The following RNF220 variants were observed in gnomAD, a reference collection of about 807,000 sequenced individuals.
RNF220 encodes ring finger protein 220.
In RNF220, 7 loss-of-function variants were observed where a neutral mutation model predicts 67.1. That is an observed-to-expected ratio of 0.10 (90% confidence interval 0.06 to 0.20). The LOEUF (loss-of-function observed/expected upper bound fraction) is 0.20. Among genes scored for constraint, RNF220 ranks in the 10% least tolerant of loss-of-function variants. The pLI, the probability that RNF220 is intolerant of heterozygous loss-of-function variation, is 1.00. For missense variants in RNF220, 565 were observed against 740.3 expected (o/e 0.76, Z 2.75); for synonymous variants, 270 against 283.2 (o/e 0.95, Z 0.47).
chr1:44,541,150 T>G lies in RNF220; in HGVS notation c.626-73015T>G, dbSNP rs549120486. On this transcript the variant is annotated intron_variant, in intron 2 of 14. Transcript: ENST00000361799. ...TCCAAAGTCAGACAGCTAGTAGGCC[T>G]TGAGTGGTGGCTCATGCCTGTAATC... 4.9e-4 allele frequency among the ~76,000 whole-genome samples: 74 copies of G among 152,256 alleles called. 1 individual carries two copies. Among genetic ancestry groups the G allele is most frequent in the African/African-American group, 1.6e-3 (65 of 41,536 alleles).
At chr1:44,468,348 A>G (rs955909789) in intron 2 of RNF220, among the ~76,000 whole-genome samples, 8 of 152,074 alleles carry the variant, frequency 5.3e-5, no homozygotes, top group African/African-American at 1.9e-4. Context: ...CTCTTCCTGT[A>G]CTGATATGGA....
intron 2 of RNF220, among the ~76,000 whole-genome samples, chr1:44,482,329 C>T (rs561213116): frequency 4.9e-4 from 75 of 152,238 alleles, no homozygotes; most frequent in African/African-American, 1.7e-3. Flanking sequence ...CCTGGGGCTC[C>T]CTTCTCAGGG....
Position 44,412,380 on chromosome 1 carries a change from C to A in RNF220, c.283C>A (p.Leu95Ile), listed in dbSNP as rs1236517238. The A allele has an allele frequency of 6.2e-6, 10 of 1,613,946 alleles. No homozygotes were observed. Among genetic ancestry groups the A allele is most frequent in the Non-Finnish European group, 8.5e-6 (10 of 1,179,872 alleles). Residue 95 changes from leucine (L) to isoleucine (I), a missense_variant, in exon 2 of 15, where the codon CTC becomes ATC. Coordinates refer to ENST00000361799, the MANE Select transcript of RNF220 (RefSeq NM_018150.4). This position sits in a 1 kb window ranked among gnomAD's most constrained non-coding sequence, Gnocchi z 5.3. ...TGATTTCCCCCCTTCTCTACTACAC[C>A]TCCACCCTCAATTTGCTCCCCCAAA... ...NRDFPPSLLH[L>I]HPQFAPPNLD...
chr1:44,554,584 G>A (rs867913600), intron 2 of RNF220, among the ~76,000 whole-genome samples: 8 of 152,108 alleles, frequency 5.3e-5, no homozygotes, highest in African/African-American at 1.9e-4. Context: ...CATTGATCTG[G>A]GACTTGGAAT....
At chr1:44,508,686 G>C (rs149240640) in intron 2 of RNF220, among the ~76,000 whole-genome samples, 4 of 152,270 alleles carry the variant, frequency 2.6e-5, no homozygotes, top group African/African-American at 9.6e-5. Flanking sequence ...CATTTTCCCT[G>C]AGAACTGGGA....
intron 2 of RNF220, among the ~76,000 whole-genome samples, chr1:44,521,830 A>G (rs1659965135): frequency 6.6e-6 from 1 of 152,182 alleles, no homozygotes; most frequent in African/African-American, 2.4e-5. Flanking sequence ...CTAGTACAGT[A>G]CCTAGCATGT....
chr1:44,645,473 A>T lies in RNF220; in HGVS notation c.1430A>T (p.Asn477Ile). ...KQEAMQKTCK[N>I]SDIEKITEDS... ...GAGGCCATGCAGAAGACCTGCAAGA[A>T]CAGCGACATCGAGAAGTAAGTGTTT... The change falls in exon 12 of 15, where the codon AAC becomes ATC. Residue 477 changes from asparagine (N) to isoleucine (I), a missense_variant. By Grantham distance (149) the Asn-to-Ile change is moderately radical (BLOSUM62 -3). Transcript: ENST00000361799. This position sits in a 1 kb window ranked among gnomAD's most constrained non-coding sequence, Gnocchi z 5.0. 1 of 1,614,056 alleles carries T rather than the reference A, an allele frequency of 6.2e-7. No individual in the cohort carries two copies. The highest frequency in any genetic ancestry group is 8.5e-7 in the Non-Finnish European group (1 of 1,179,998).
intron 2 of RNF220, among the ~76,000 whole-genome samples, chr1:44,473,818 A>T (rs1655033796): frequency 6.6e-6 from 1 of 152,176 alleles, no homozygotes; most frequent in Non-Finnish European, 1.5e-5. Flanking sequence ...TGTATAAAAC[A>T]TTCTAACTGA....
chr1:44,443,116 CAT>C (rs1200966859), intron 2 of RNF220, among the ~76,000 whole-genome samples: 2 of 152,216 alleles, frequency 1.3e-5, no homozygotes, highest in African/African-American at 4.8e-5. Flanking sequence ...GAGCTTCACT[CAT>C]GTGTATCTGG....
intron 2 of RNF220, among the ~76,000 whole-genome samples, chr1:44,608,031 C>A (rs1667405200): frequency 6.6e-6 from 1 of 150,810 alleles, no homozygotes; most frequent in Non-Finnish European, 1.5e-5. Flanking sequence ...TCAAGCGATC[C>A]TCCTGCCTCA....
chr1:44,488,316 A>G (rs1239577812), intron 2 of RNF220, among the ~76,000 whole-genome samples: 1 of 151,054 alleles, frequency 6.6e-6, no homozygotes, highest in East Asian at 2.0e-4. Flanking sequence ...TTAGTAGAGG[A>G]CAGGGTTTCA....
chr1:44,608,170 C>T (rs1667415184), intron 2 of RNF220, among the ~76,000 whole-genome samples: 1 of 150,684 alleles, frequency 6.6e-6, no homozygotes, highest in Admixed American at 6.6e-5. Flanking sequence ...AGCAGTCCTC[C>T]CACCTCGGCC....
At chr1:44,553,169 G>C (rs1472822197) in intron 2 of RNF220, among the ~76,000 whole-genome samples, 4 of 149,854 alleles carry the variant, frequency 2.7e-5, no homozygotes, top group African/African-American at 9.8e-5. Context: ...TGCCACTTTT[G>C]TGTATTTCCA....
At chr1:44,545,981 T>C (rs749906815) in intron 2 of RNF220, among the ~76,000 whole-genome samples, 16 of 152,102 alleles carry the variant, frequency 1.1e-4, no homozygotes, top group Non-Finnish European at 1.6e-4. Flanking sequence ...TCCTACCTCA[T>C]TGCAAACCTT....
At chr1:44,479,753 CA>C (rs1269158781) in intron 2 of RNF220, among the ~76,000 whole-genome samples, 1 of 152,148 alleles carries the variant, frequency 6.6e-6, no homozygotes. Flanking sequence ...TTTTATTTTT[CA>C]ACCCCACAAA....
Position 44,412,037 on chromosome 1 carries a change from T to C in RNF220, c.-61T>C. ...TCCCTGCCCTGACCCAAAGTGCTGG[T>C]TGGCCTCCCTCCCAGGGAAGACTGC... On this transcript the variant is annotated 5_prime_UTR_variant, in exon 2 of 15. Transcript: ENST00000361799. This position sits in a 1 kb window ranked among gnomAD's most constrained non-coding sequence, Gnocchi z 5.3. The C allele has an allele frequency of 6.4e-7, 1 of 1,550,996 alleles. No individual in the cohort carries two copies. Among genetic ancestry groups the C allele is most frequent in the Non-Finnish European group, 8.7e-7 (1 of 1,146,984 alleles).
rs943327245 is a variant in RNF220, at chr1:44,649,234, T to C, written c.1446-427T>C. ...GATTTGCTTTGAGAACATAAATTCC[T>C]CTAGGCGCTGGGAGAGTGGAATAGA... On this transcript the variant is annotated intron_variant, in intron 12 of 14. Coordinates refer to ENST00000361799, the MANE Select transcript of RNF220 (RefSeq NM_018150.4). The surrounding 1 kb of genome is among the most constrained non-coding windows in gnomAD (Gnocchi z 5.9). 5 of 216,788 alleles carry C rather than the reference T, an allele frequency of 2.3e-5. No homozygotes were observed. The highest frequency in any genetic ancestry group is 1.2e-4 in the African/African-American group (5 of 42,406). The allele number at this position is 216,788 out of a possible 1,614,324, so 13.4% of individuals were successfully genotyped here. A position where few individuals can be genotyped will look rare whatever the true frequency, so the allele number is the denominator to read the frequency against.
At chr1:44,556,568 C>CT (rs59473428) in intron 2 of RNF220, among the ~76,000 whole-genome samples, 7,403 of 140,722 alleles carry the variant, frequency 0.053, 598 homozygotes, top group East Asian at 0.25. Flanking sequence ...TCTTCCTGTT[C>CT]TTTTTTTTTT....
At chr1:44,530,204 G>A (rs2148188098) in intron 2 of RNF220, among the ~76,000 whole-genome samples, 1 of 152,180 alleles carries the variant, frequency 6.6e-6, no homozygotes, top group Middle Eastern at 3.4e-3. Context: ...AGGTCAAAGA[G>A]GGAAATGTAT....
Sources: allele counts gnomAD v4.1 joint callset (sites outside exome capture counted in the v4.1 genomes callset), GRCh38; gene constraint gnomAD v4.1.1; non-coding constraint Gnocchi (gnomAD v3.1); transcripts MANE v1.5; gene names NCBI Gene and HGNC (gene_info 2026-07-23, HGNC 2026-07-21).